The following PDPR variants were observed in gnomAD, a reference collection of about 807,000 sequenced individuals.
PDPR encodes pyruvate dehydrogenase phosphatase regulatory subunit.
PDPR carries 50 observed loss-of-function variants against 102.2 expected under a neutral mutation model. The ratio of observed to expected loss-of-function variants is 0.49; its 90% CI spans 0.39 to 0.62. The LOEUF is 0.62. PDPR is among the 20% of genes least tolerant of loss of function. The pLI, the probability that PDPR is intolerant of heterozygous loss-of-function variation, is 0.00. For synonymous variants in PDPR, 259 were observed against 406.0 expected (o/e 0.64, Z 4.35); for missense variants, 625 against 1,098.2 (o/e 0.57, Z 6.09).
chr16:70,139,934 T>C (rs1173169168), intron 11 of PDPR, among the ~76,000 whole-genome samples: 4 of 152,254 alleles, frequency 2.6e-5, no homozygotes, highest in Admixed American at 6.5e-5. Context: ...AATGCCTGAG[T>C]GCTCACTTTT....
intron 18 of PDPR, 54 bp from the exon 19 acceptor site, chr16:70,156,421 T>C: frequency 6.3e-7 from 1 of 1,593,556 alleles, no homozygotes; most frequent in African/African-American, 1.3e-5. Flanking sequence ...TGCTGCTCTC[T>C]GTGCCGAGGG....
chr16:70,149,561 C>T (rs1216660840), intron 17 of PDPR, among the ~76,000 whole-genome samples: 4 of 152,262 alleles, frequency 2.6e-5, no homozygotes, highest in African/African-American at 7.2e-5. Flanking sequence ...CTACCATGCC[C>T]GGCCTCACTT....
At chr16:70,123,270 G>A (rs1406050636) in intron 3 of PDPR, among the ~76,000 whole-genome samples, 8 of 151,818 alleles carry the variant, frequency 5.3e-5, no homozygotes, top group Non-Finnish European at 1.0e-4. Flanking sequence ...AGAGTCTCAC[G>A]CTGTCACTCA....
intron 9 of PDPR, among the ~76,000 whole-genome samples, chr16:70,135,040 A>C (rs1350649350): frequency 6.6e-6 from 1 of 152,206 alleles, no homozygotes; most frequent in South Asian, 2.1e-4. Context: ...CCTGGGCAAC[A>C]TGGCGAGACT....
intron 18 of PDPR, among the ~76,000 whole-genome samples, chr16:70,154,538 T>G: frequency 6.6e-6 from 1 of 152,400 alleles, no homozygotes; most frequent in East Asian, 1.9e-4. Flanking sequence ...CTGAGTGCTT[T>G]CTGGGAAGCT....
intron 11 of PDPR, among the ~76,000 whole-genome samples, chr16:70,139,435 C>G (rs1473967456): frequency 1.3e-5 from 2 of 152,376 alleles, no homozygotes; most frequent in Middle Eastern, 3.4e-3. Context: ...TGCTTTCTCA[C>G]TCCCCACTTA....
chr16:70,137,339 G>T (rs1280226783), intron 10 of PDPR, among the ~76,000 whole-genome samples: 2 of 152,234 alleles, frequency 1.3e-5, no homozygotes, highest in African/African-American at 4.8e-5. Flanking sequence ...CTGGGCAACA[G>T]AGCGAGACTC....
At chr16:70,149,512 C>T (rs1185462168) in intron 17 of PDPR, among the ~76,000 whole-genome samples, 2 of 152,256 alleles carry the variant, frequency 1.3e-5, no homozygotes, top group African/African-American at 4.8e-5. Context: ...GTGGTCCACA[C>T]ACCTCAGCCT....
chr16:70,141,600 T>C (rs1965719707), intron 11 of PDPR, among the ~76,000 whole-genome samples: 1 of 152,278 alleles, frequency 6.6e-6, no homozygotes, highest in Non-Finnish European at 1.5e-5. Flanking sequence ...AACCTTCTTC[T>C]CTGCTATGAA....
intron 18 of PDPR, among the ~76,000 whole-genome samples, chr16:70,154,072 C>T (rs1331218766): frequency 8.5e-5 from 13 of 152,352 alleles, no homozygotes; most frequent in Non-Finnish European, 1.3e-4. Context: ...AGGAGAATGG[C>T]GTGAACCCAG....
At position 70,157,264 on chromosome 16, in the gene PDPR, C is replaced by A. The variant is rs1313384385; in HGVS notation, c.*385C>A. On this transcript the variant is annotated 3_prime_UTR_variant, in exon 19 of 19. Coordinates refer to ENST00000288050, the MANE Select transcript of PDPR (RefSeq NM_017990.5). ...TGGTGCAGGTCTCAGGGCACGAGTC[C>A]CTCTCCCTTGGGTTCCATTTTCTTG... 2 of 483,630 alleles carry A rather than the reference C, an allele frequency of 4.1e-6. No individual in the cohort carries two copies. The highest frequency in any genetic ancestry group is 3.9e-5 in the African/African-American group (2 of 50,716). The allele number at this position is 483,630 out of a possible 1,614,324, so 30.0% of individuals were successfully genotyped here. A position where few individuals can be genotyped will look rare whatever the true frequency, so the allele number is the denominator to read the frequency against.
intron 11 of PDPR, among the ~76,000 whole-genome samples, chr16:70,140,327 G>A (rs1263943558): frequency 4.8e-4 from 73 of 152,338 alleles, no homozygotes; most frequent in African/African-American, 1.7e-3. Context: ...TGGGCAGTGG[G>A]ACTGAGACCC....
chr16:70,124,630 G>A (rs1160658987), intron 3 of PDPR, among the ~76,000 whole-genome samples: 7 of 152,242 alleles, frequency 4.6e-5, no homozygotes, highest in Admixed American at 1.3e-4. Flanking sequence ...GTACCTCCAA[G>A]GGCGAGAGCC....
intron 3 of PDPR, among the ~76,000 whole-genome samples, chr16:70,122,854 T>C (rs2869115): frequency 7.8e-4 from 114 of 145,550 alleles, no homozygotes; most frequent in African/African-American, 1.7e-3. Flanking sequence ...TATACACACA[T>C]ACACACACAC....
intron 3 of PDPR, among the ~76,000 whole-genome samples, chr16:70,122,362 C>T (rs1963407079): frequency 6.6e-6 from 1 of 152,288 alleles, no homozygotes; most frequent in African/African-American, 2.4e-5. Context: ...AATTTGCATA[C>T]CATGCCACTC....
At chr16:70,131,031 G>T (rs551800618) in intron 7 of PDPR, among the ~76,000 whole-genome samples, 1 of 152,250 alleles carries the variant, frequency 6.6e-6, no homozygotes, top group Admixed American at 6.5e-5. Context: ...GAGCCCAGGC[G>T]TTTTATCAAA....
At chr16:70,141,163 C>T (rs1965674521) in intron 11 of PDPR, among the ~76,000 whole-genome samples, 1 of 152,208 alleles carries the variant, frequency 6.6e-6, no homozygotes, top group African/African-American at 2.4e-5. Flanking sequence ...AAACAATTCT[C>T]CTGCCTCAGC....
rs4985405 is a variant in PDPR at position 70,157,215 on chromosome 16, A to G, written c.*336A>G. On this transcript the variant is annotated 3_prime_UTR_variant, in exon 19 of 19. Transcript: ENST00000288050. ...GGTGACAGCTGCTTTCAAATTCTGC[A>G]TCTCAAGGCAGGGCAAGCCGGGGTG... is the stretch of plus-strand genomic sequence containing the variant. 42,755 of 543,860 alleles carry G rather than the reference A, an allele frequency of 0.079. 2,258 individuals carry two copies. Among genetic ancestry groups the G allele is most frequent in the African/African-American group, 0.44 (22,400 of 50,546 alleles). The allele number at this position is 543,860 out of a possible 1,614,324, so 33.7% of individuals were successfully genotyped here. A position where few individuals can be genotyped will look rare whatever the true frequency, so the allele number is the denominator to read the frequency against.
intron 17 of PDPR, among the ~76,000 whole-genome samples, chr16:70,152,432 T>G (rs1966807007): frequency 6.6e-6 from 1 of 152,262 alleles, no homozygotes; most frequent in Non-Finnish European, 1.5e-5. Flanking sequence ...GGCAGGAGAT[T>G]CACTTGAACC....
Sources: gnomAD v4.1 joint callset for allele counts (sites outside exome capture counted in the v4.1 genomes callset) on GRCh38, gnomAD v4.1.1 for gene constraint, MANE v1.5 for transcripts, NCBI Gene and HGNC (gene_info 2026-07-23, HGNC 2026-07-21) for gene names.